Variants in PER2 observed in about 807,000 individuals in gnomAD.
PER2 encodes the protein period circadian protein homolog 2.
Under a neutral mutation model 121.0 loss-of-function variants are expected in PER2, and 66 were observed. That is an observed-to-expected ratio of 0.55 (90% CI 0.45 to 0.67). The LOEUF (loss-of-function observed/expected upper bound fraction) is 0.67, where lower values mean the gene tolerates loss of function less well. PER2 is among the 30% of genes least tolerant of loss of function. The pLI, the probability that PER2 is intolerant of heterozygous loss-of-function variation, is 0.00. For synonymous variants in PER2, 684 were observed against 659.9 expected (o/e 1.04, Z -0.56); for missense variants, 1,521 against 1,635.0 (o/e 0.93, Z 1.20).
intron 6 of PER2, 117 bp downstream of exon 6, chr2:238,271,195 C>T: frequency 8.1e-6 from 7 of 866,414 alleles, no homozygotes; most frequent in Admixed American, 3.4e-5. Flanking sequence ...GCTGGCGGCC[C>T]CCACAGGTGG....
Position 238,256,929 on chromosome 2 carries a change from C to G in PER2, c.2058G>C (p.Pro686=), listed in dbSNP as rs139338215. The change falls in exon 17 of 23, where the codon CCG becomes CCC. Residue 686 remains proline, a synonymous_variant. Transcript: ENST00000254657. The part of the protein sequence containing the change: ...IVHVGDKKPQ[P]ELEMVEDAAS... ...AAGAGCCCATAGTCATACCTAACTC[C>G]GGCTGCGGCTTCTTGTCTCCCACAT... 1 of 1,614,058 alleles carries G rather than the reference C, an allele frequency of 6.2e-7. No homozygotes were observed. The highest frequency in any genetic ancestry group is 8.5e-7 in the Non-Finnish European group (1 of 1,179,946).
intron 1 of PER2, among the ~76,000 whole-genome samples, chr2:238,281,282 G>T (rs925138436): frequency 1.3e-5 from 2 of 152,134 alleles, no homozygotes; most frequent in South Asian, 2.1e-4. Flanking sequence ...GATTACAGGC[G>T]TGAGCCACCA....
Position 238,247,716 on chromosome 2 carries a change from G to A in PER2, c.3619-1192C>T, listed in dbSNP as rs752562926. On this transcript the variant is annotated intron_variant, in intron 22 of 22. Coordinates refer to ENST00000254657, the MANE Select transcript of PER2 (RefSeq NM_022817.3). ...GTGGCAGGGGCCTGCCAGGGCAGTC[G>A]GGGAAACAGCCAAGGGGCCAGTGTA... 2.6e-5 allele frequency among the ~76,000 whole-genome samples: 4 copies of A among 152,328 alleles called. 1 individual carries two copies. The East Asian group carries it at 5.8e-4, about 22-fold the overall frequency.
chr2:238,244,424 T>A lies in PER2; in HGVS notation c.*1951A>T, dbSNP rs895591566. On this transcript the variant is annotated 3_prime_UTR_variant, in exon 23 of 23. Transcript: ENST00000254657. Reference sequence around the variant, plus strand: ...CAATCAGTGAGCACATATTAAATGATAAAATAATGCTGATGGTAAACATTC... The same window carrying A: ...CAATCAGTGAGCACATATTAAATGAAAAAATAATGCTGATGGTAAACATTC... 2 of 152,546 alleles carry A rather than the reference T, an allele frequency of 1.3e-5. No individual in the cohort carries two copies. The highest frequency in any genetic ancestry group is 4.8e-5 in the African/African-American group (2 of 41,462). The allele number at this position is 152,546 out of a possible 1,614,324, so 9.4% of individuals were successfully genotyped here.
Position 238,259,789 on chromosome 2 carries a change from C to A in PER2, c.1627+180G>T, listed in dbSNP as rs76958622. Among the ~76,000 whole-genome samples, 14 of 152,312 alleles carry A rather than the reference C, an allele frequency of 9.2e-5. No homozygotes were observed. The East Asian group carries it at 2.5e-3, about 27-fold the overall frequency. On this transcript the variant is annotated intron_variant, in intron 14 of 22. Transcript: ENST00000254657. ...CATCAGTGCCTGCACTGGCTGAGTGCAGGACTGGGCTGCTCTCGCCTCTTG... is the reference window on the plus strand; with the variant it reads ...CATCAGTGCCTGCACTGGCTGAGTGAAGGACTGGGCTGCTCTCGCCTCTTG...
At chr2:238,284,607 G>A (rs973358617) in intron 1 of PER2, among the ~76,000 whole-genome samples, 1 of 152,206 alleles carries the variant, frequency 6.6e-6, no homozygotes, top group East Asian at 1.9e-4. Flanking sequence ...GCAGTCCTTA[G>A]AGGAGCATCA....
At chr2:238,271,226 G>A in intron 6 of PER2, 86 bp downstream of exon 6, 1 of 1,180,874 alleles carries the variant, frequency 8.5e-7, no homozygotes, top group Non-Finnish European at 1.3e-6. Context: ...GTGAGGCAGG[G>A]CGCCTGCACC....
chr2:238,293,561 T>G (rs1360404338), upstream of PER2, among the ~76,000 whole-genome samples: 5 of 151,660 alleles, frequency 3.3e-5, no homozygotes, highest in Non-Finnish European at 7.4e-5. Context: ...ATGGTGAAAC[T>G]CCGTCTCTAC....
At chr2:238,276,557 T>C (rs1164030174) in intron 3 of PER2, among the ~76,000 whole-genome samples, 1 of 152,206 alleles carries the variant, frequency 6.6e-6, no homozygotes, top group Non-Finnish European at 1.5e-5. Flanking sequence ...GCAAAGTGAC[T>C]TCCTGGGACA....
intron 1 of PER2, among the ~76,000 whole-genome samples, chr2:238,280,840 C>T (rs549256105): frequency 1.3e-5 from 2 of 152,076 alleles, no homozygotes; most frequent in South Asian, 2.1e-4. Flanking sequence ...GACAAGAGTC[C>T]AACGCCTAAG....
At position 238,268,216 on chromosome 2, in the gene PER2, G is replaced by C. The variant is rs186655900; in HGVS notation, c.825-18C>G. On this transcript the variant is annotated intron_variant, in intron 7 of 22. Transcript: ENST00000254657. The surrounding 1 kb of genome is among the most constrained non-coding windows in gnomAD (Gnocchi z 4.0). ...TCCGGACACTGCGGAGAAGAGCCAC[G>C]CTCTAAGTTGGGAACTGTGACACAG... 6.2e-7 allele frequency: 1 copy of C among 1,612,730 alleles called. No individual in the cohort carries two copies. The highest frequency in any genetic ancestry group is 1.3e-5 in the African/African-American group (1 of 74,890).
rs1312349155 is a variant in PER2 at position 238,268,089 on chromosome 2, G to A, written c.934C>T (p.Leu312=). 3.1e-6 allele frequency: 5 copies of A among 1,614,162 alleles called. No individual in the cohort carries two copies. The South Asian group carries it at 3.3e-5, about 11-fold the overall frequency. ...CCAGAGTGCACTCTCTCTGCCAGCAGAAGGCAGCAAAGCTGACTCTCAGCA... is the reference window on the plus strand; with the variant it reads ...CCAGAGTGCACTCTCTCTGCCAGCAAAAGGCAGCAAAGCTGACTCTCAGCA... ...QGAESQLCCL[L]LAERVHSGYE... Residue 312 remains leucine, a synonymous_variant, in exon 8 of 23, where the codon CTG becomes TTG. Transcript: ENST00000254657. This position sits in a 1 kb window ranked among gnomAD's most constrained non-coding sequence, Gnocchi z 4.0.
chr2:238,267,794 G>GA (rs1458589866), intron 8 of PER2, among the ~76,000 whole-genome samples: 1 of 152,198 alleles, frequency 6.6e-6, no homozygotes, highest in African/African-American at 2.4e-5. Flanking sequence ...GGAAAGGGGA[G>GA]AAGGGGTCAC....
At chr2:238,284,043 G>A (rs768785743) in intron 1 of PER2, among the ~76,000 whole-genome samples, 1 of 152,156 alleles carries the variant, frequency 6.6e-6, no homozygotes, top group Non-Finnish European at 1.5e-5. Flanking sequence ...GTGAGATGGG[G>A]TAACAGTAGT....
the PER2 span, among the ~76,000 whole-genome samples, chr2:238,297,248 G>T: frequency 6.6e-6 from 1 of 152,232 alleles, no homozygotes; most frequent in Non-Finnish European, 1.5e-5. Context: ...AAGGAAAGGG[G>T]CTCTCGGGAG....
At position 238,258,619 on chromosome 2, in the gene PER2, C is replaced by T; in HGVS notation, c.1653G>A (p.Glu551=). Residue 551 remains glutamate (E), a synonymous_variant, in exon 15 of 23, where the codon GAG becomes GAA. Coordinates refer to ENST00000254657, the MANE Select transcript of PER2 (RefSeq NM_022817.3). ...TTTCCATGGCAGGGACAGCTTTCTT[C>T]TCAGCTGGGGGATTAGTTTGCATTT... The part of the protein sequence containing the change: ...VTEMQTNPPA[E]KKAVPAMEKD... The T allele has an allele frequency of 6.2e-7, 1 of 1,614,142 alleles. No individual in the cohort carries two copies.
At chr2:238,276,395 T>G (rs1020520181) in intron 3 of PER2, among the ~76,000 whole-genome samples, 2 of 152,240 alleles carry the variant, frequency 1.3e-5, no homozygotes, top group African/African-American at 2.4e-5. Flanking sequence ...TCCCTCCAAC[T>G]GTGTTCTTTT....
intron 1 of PER2, among the ~76,000 whole-genome samples, chr2:238,281,089 C>T (rs1401561289): frequency 6.6e-6 from 1 of 151,816 alleles, no homozygotes; most frequent in African/African-American, 2.4e-5. Context: ...TGGCAACCTC[C>T]GCCTCCTGGG....
At chr2:238,272,837 A>G (rs764426259) in intron 5 of PER2, among the ~76,000 whole-genome samples, 4 of 152,242 alleles carry the variant, frequency 2.6e-5, no homozygotes, top group Admixed American at 1.3e-4. Flanking sequence ...CATGAGCTAC[A>G]GGACAAAGTT....
Sources: gnomAD v4.1 joint callset for allele counts (sites outside exome capture counted in the v4.1 genomes callset) on GRCh38, gnomAD v4.1.1 for gene constraint, Gnocchi (gnomAD v3.1) non-coding constraint, MANE v1.5 for transcripts, NCBI Gene and HGNC (gene_info 2026-07-23, HGNC 2026-07-21) for gene names.